Variants in PRDM15 observed in about 807,000 individuals in gnomAD.
PRDM15 encodes PR/SET domain 15.
Under a neutral mutation model 128.6 loss-of-function variants are expected in PRDM15, and 64 were observed. That is an observed-to-expected ratio of 0.50 (90% CI 0.41 to 0.61). The LOEUF is 0.61. Ranked by LOEUF, PRDM15 falls within the 20% of genes least tolerant of loss-of-function variation. PRDM15 has a pLI of 0.00. For missense variants in PRDM15, 1,242 were observed against 1,569.1 expected, an observed-to-expected ratio of 0.79 and a Z score of 3.52; for synonymous variants, 615 against 621.8, an observed-to-expected ratio of 0.99 and a Z score of 0.16.
chr21:41,835,940 GCCGCTCTCCTCCCTCCCCC>G (rs2062866582), intron 10 of PRDM15, among the ~76,000 whole-genome samples, 154 bp downstream of exon 10: 2 of 43,870 alleles, frequency 4.6e-5, no homozygotes, highest in South Asian at 6.8e-4. Context: ...ACAGGGTTTG[GCCGCTCTCCTCCCTCCCCC>G]ACAGCCCCCG....
rs1158675666 is a variant in PRDM15 at position 41,862,755 on chromosome 21, A to C, written c.-9-2383T>G. Among the ~76,000 whole-genome samples the C allele has an allele frequency of 6.6e-6, 1 of 152,178 alleles. No homozygotes were observed. Among genetic ancestry groups the C allele is most frequent in the Non-Finnish European group, 1.5e-5 (1 of 68,032 alleles). On this transcript the variant is annotated intron_variant, in intron 1 of 23. Coordinates refer to ENST00000398548, the MANE Select transcript of PRDM15 (RefSeq NM_001040424.3). The surrounding 1 kb of genome is among the most constrained non-coding windows in gnomAD (Gnocchi z 4.1). The stretch of plus-strand genomic sequence containing the variant: ...CTTGGCAAAACTCCCTTTAACACTC[A>C]GAAAGTGCCTTCATAGAAGGGGAAG...
At chr21:41,867,113 G>A (rs1045795460) in intron 1 of PRDM15, among the ~76,000 whole-genome samples, 2 of 152,066 alleles carry the variant, frequency 1.3e-5, no homozygotes, top group Admixed American at 1.3e-4. Context: ...GTGGGGAGAT[G>A]CCCGACACCC....
intron 21 of PRDM15, among the ~76,000 whole-genome samples, chr21:41,809,772 C>T (rs1017862873): frequency 1.3e-5 from 2 of 152,134 alleles, no homozygotes; most frequent in Non-Finnish European, 2.9e-5. Context: ...CTGCCTGCGT[C>T]TGTACAACTT....
intron 4 of PRDM15, among the ~76,000 whole-genome samples, chr21:41,856,400 C>A (rs2063636477): frequency 1.3e-5 from 2 of 151,234 alleles, no homozygotes; most frequent in South Asian, 2.1e-4. Flanking sequence ...TTCCAAAAAC[C>A]CAAGCTTGTT....
intron 16 of PRDM15, among the ~76,000 whole-genome samples, 168 bp from the exon 17 acceptor site, chr21:41,820,342 C>T (rs1053690126): frequency 5.3e-5 from 8 of 152,198 alleles, no homozygotes; most frequent in Non-Finnish European, 1.2e-4. Flanking sequence ...CGTAACCCCC[C>T]GAATTCCTAC....
At chr21:41,841,045 C>T (rs938105872) in intron 6 of PRDM15, among the ~76,000 whole-genome samples, 9 of 151,922 alleles carry the variant, frequency 5.9e-5, no homozygotes, top group African/African-American at 2.2e-4. Flanking sequence ...TGTAATATAA[C>T]AAGAAGGTCT....
At chr21:41,865,147 T>C (rs1428056046) in intron 1 of PRDM15, among the ~76,000 whole-genome samples, 2 of 71,492 alleles carry the variant, frequency 2.8e-5, no homozygotes, top group East Asian at 7.4e-4. Context: ...CACTCCCCAC[T>C]CCCCGGCTCA....
chr21:41,854,229 T>C lies in PRDM15; in HGVS notation c.538+337A>G, dbSNP rs375916364. Among the ~76,000 whole-genome samples, 11 of 152,312 alleles carry C rather than the reference T, an allele frequency of 7.2e-5. No homozygotes were observed. The South Asian group carries it at 1.4e-3, about 20-fold the overall frequency. On this transcript the variant is annotated intron_variant, in intron 5 of 23. Transcript: ENST00000398548. This position sits in a 1 kb window ranked among gnomAD's most constrained non-coding sequence, Gnocchi z 4.6. ...GGCTACACCATACAGCCTGGGTGTG[T>C]AGCAGGCCAGGCCATCAAGGTGCGC...
At chr21:41,877,899 A>G (rs557305415) in intron 1 of PRDM15, among the ~76,000 whole-genome samples, 1 of 152,382 alleles carries the variant, frequency 6.6e-6, no homozygotes, top group East Asian at 1.9e-4. Flanking sequence ...TTTGCTCTTG[A>G]AAGTCTAAAT....
chr21:41,873,908 T>G (rs919000138), intron 1 of PRDM15, among the ~76,000 whole-genome samples: 1 of 151,888 alleles, frequency 6.6e-6, no homozygotes, highest in Non-Finnish European at 1.5e-5. Flanking sequence ...TAGCCAGGCA[T>G]GGTGGCACAT....
rs540209894 is a variant in PRDM15 at position 41,869,144 on chromosome 21, G to A, written c.-9-8772C>T. On this transcript the variant is annotated intron_variant, in intron 1 of 23. Coordinates refer to ENST00000398548, the MANE Select transcript of PRDM15 (RefSeq NM_001040424.3). ...CCATTCCTCCCACTCCCAGTTTAAGGGTCTTCTGCAGAGCAATGGTTTTTA... is the reference window on the plus strand; with the variant it reads ...CCATTCCTCCCACTCCCAGTTTAAGAGTCTTCTGCAGAGCAATGGTTTTTA... Among the ~76,000 whole-genome samples the A allele has an allele frequency of 2.0e-5, 3 of 152,212 alleles. No homozygotes were observed. In the South Asian group the frequency reaches 6.2e-4, roughly 32 times the overall value.
At position 41,862,027 on chromosome 21, in the gene PRDM15, C is replaced by T. The variant is rs201032036; in HGVS notation, c.-9-1655G>A. The T allele has an allele frequency of 1.7e-4, 271 of 1,589,406 alleles. No individual in the cohort carries two copies. The African/African-American group carries it at 2.7e-3, about 16-fold the overall frequency. ...CAGTTCCTGTGGATGGGCACCTCGG[C>T]GCAAATAGGGACCAGTCTGGGATGG... On this transcript the variant is annotated intron_variant, in intron 1 of 23. Coordinates refer to ENST00000398548, the MANE Select transcript of PRDM15 (RefSeq NM_001040424.3). The surrounding 1 kb of genome is among the most constrained non-coding windows in gnomAD (Gnocchi z 4.1).
rs912281843 is a variant in PRDM15 at position 41,860,308 on chromosome 21, A to G, written c.37+19T>C. On this transcript the variant is annotated intron_variant, in intron 2 of 23. Transcript: ENST00000398548. The stretch of plus-strand genomic sequence containing the variant: ...ATAGGGCTGGTCTCGGACCTGGGAC[A>G]GGTCCCTGGGTCACTTACAGATGAA... 4.4e-6 allele frequency: 7 copies of G among 1,608,374 alleles called. No individual in the cohort carries two copies. The Admixed American group carries it at 8.3e-5, about 19-fold the overall frequency.
chr21:41,877,656 T>C (rs2064469134), intron 1 of PRDM15: 1 of 152,238 alleles, frequency 6.6e-6, no homozygotes, highest in African/African-American at 2.4e-5. Context: ...GAAAATGATA[T>C]GAGAGCCACA....
At chr21:41,834,542 CT>C (rs2062805629) in intron 11 of PRDM15, 2 of 1,550,190 alleles carry the variant, frequency 1.3e-6, no homozygotes, top group Non-Finnish European at 8.7e-7. Context: ...CGGGCCCCCC[CT>C]CTCCAGGGTG....
At chr21:41,835,959 C>A (rs961264159) in intron 10 of PRDM15, among the ~76,000 whole-genome samples, 154 bp downstream of exon 10, 1 of 99,368 alleles carries the variant, frequency 1.0e-5, no homozygotes, top group South Asian at 3.2e-4. Flanking sequence ...CTCCCTCCCC[C>A]ACAGCCCCCG....
At position 41,859,160 on chromosome 21, in the gene PRDM15, T is replaced by C. The variant is rs2063733458; in HGVS notation, c.131+432A>G. ...TGGAAGCTGCTGTGGGTCAGCCCTG[T>C]CCCTGTCCTCATAACCCCGCATCCC... On this transcript the variant is annotated intron_variant, in intron 3 of 23. Coordinates refer to ENST00000398548, the MANE Select transcript of PRDM15 (RefSeq NM_001040424.3). This position sits in a 1 kb window ranked among gnomAD's most constrained non-coding sequence, Gnocchi z 5.3. 2.5e-6 allele frequency: 4 copies of C among 1,613,874 alleles called. No individual in the cohort carries two copies. Among genetic ancestry groups the C allele is most frequent in the Non-Finnish European group, 3.4e-6 (4 of 1,179,986 alleles).
In PRDM15 at chr21:41,832,356, A is replaced by ACCACAGG. The variant is rs1006403417; in HGVS notation, c.1366+3074_1366+3080dup. 1.3e-5 allele frequency among the ~76,000 whole-genome samples: 2 copies of ACCACAGG among 151,492 alleles called. No homozygotes were observed. The highest frequency in any genetic ancestry group is 4.9e-5 in the African/African-American group (2 of 41,140). On this transcript the variant is annotated intron_variant, in intron 11 of 23. Transcript: ENST00000398548. The surrounding 1 kb of genome is among the most constrained non-coding windows in gnomAD (Gnocchi z 4.2). ...CCTTACAGCACTGTGGCATCGGATC[A>ACCACAGG]CCACAGGCCACACCTTTACAGCACT...
intron 13 of PRDM15, among the ~76,000 whole-genome samples, chr21:41,825,159 G>A (rs868337596): frequency 2.0e-5 from 3 of 152,368 alleles, no homozygotes; most frequent in Non-Finnish European, 2.9e-5. Flanking sequence ...GGCCTCCGAG[G>A]ACAGATGACA....
Sources: gnomAD v4.1 joint callset for allele counts (sites outside exome capture counted in the v4.1 genomes callset) on GRCh38, gnomAD v4.1.1 for gene constraint, Gnocchi (gnomAD v3.1) non-coding constraint, MANE v1.5 for transcripts, NCBI Gene and HGNC (gene_info 2026-07-23, HGNC 2026-07-21) for gene names.